The following CDH17 variants were observed in gnomAD, a reference collection of about 807,000 sequenced individuals.
The protein encoded by CDH17 is cadherin-17.
CDH17 carries 67 observed loss-of-function variants against 86.3 expected under a neutral mutation model. The ratio of observed to expected loss-of-function variants is 0.78; its 90% CI spans 0.64 to 0.95. The LOEUF (loss-of-function observed/expected upper bound fraction) is 0.95. CDH17 is among the 40% of genes least tolerant of loss of function. CDH17 has a pLI of 0.00. For missense variants in CDH17, 993 were observed against 1,017.6 expected, an observed-to-expected ratio of 0.98 and a Z score of 0.33; for synonymous variants, 367 against 366.4, an observed-to-expected ratio of 1.00 and a Z score of -0.02.
chr8:94,168,099 T>TATATATATAA (rs1813192150), intron 9 of CDH17, among the ~76,000 whole-genome samples: 6 of 468 alleles, frequency 0.013, no homozygotes, highest in Non-Finnish European at 0.035. Flanking sequence ...CACTGGGGAA[T>TATATATATAA]ATATATATAT....
At chr8:94,164,583 C>T (rs1032044328) in intron 10 of CDH17, among the ~76,000 whole-genome samples, 4 of 152,104 alleles carry the variant, frequency 2.6e-5, no homozygotes, top group East Asian at 1.9e-4. Flanking sequence ...TCAAACATTC[C>T]GCATTAGGGC....
upstream of CDH17, among the ~76,000 whole-genome samples, chr8:94,212,994 G>A (rs1393333314): frequency 6.6e-6 from 1 of 152,210 alleles, no homozygotes; most frequent in Non-Finnish European, 1.5e-5. Context: ...TTCAGGGTAT[G>A]TCCCTGGGTC....
intron 13 of CDH17, among the ~76,000 whole-genome samples, chr8:94,149,888 C>G (rs1362321882): frequency 6.6e-6 from 1 of 152,148 alleles, no homozygotes; most frequent in Non-Finnish European, 1.5e-5. Flanking sequence ...AGCAACACAT[C>G]ATAGTCATGA....
chr8:94,161,254 T>G (rs1012750525), intron 11 of CDH17, among the ~76,000 whole-genome samples: 1 of 152,186 alleles, frequency 6.6e-6, no homozygotes, highest in African/African-American at 2.4e-5. Flanking sequence ...CTGCTGAACC[T>G]CAGTGCCTGT....
At chr8:94,204,495 C>T (rs1468407195) in intron 1 of CDH17, among the ~76,000 whole-genome samples, 1 of 152,156 alleles carries the variant, frequency 6.6e-6, no homozygotes, top group Non-Finnish European at 1.5e-5. Context: ...TTTATGGCTG[C>T]ATAGTATTCC....
chr8:94,147,405 C>T (rs1432018704), intron 14 of CDH17, among the ~76,000 whole-genome samples: 1 of 152,142 alleles, frequency 6.6e-6, no homozygotes, highest in Admixed American at 6.6e-5. Flanking sequence ...TTAATCTTTC[C>T]ACATGCAGGG....
Position 94,146,043 on chromosome 8 carries a change from T to C in CDH17, c.2052A>G (p.Gly684=). The C allele has an allele frequency of 6.2e-7, 1 of 1,613,868 alleles. No homozygotes were observed. Among genetic ancestry groups the C allele is most frequent in the Non-Finnish European group, 8.5e-7 (1 of 1,179,908 alleles). Residue 684 remains glycine (G), a synonymous_variant, in exon 15 of 18, where the codon GGA becomes GGG. Transcript: ENST00000027335. ...CATCAGTAGCCTCGAAAATGAGACT[T>C]CCAGGTGCACTGAGGGGATGGCAGA... ...LFFCHPLSAP[G]SLIFEATDDD...
chr8:94,148,889 A>G lies in CDH17; in HGVS notation c.1797-15T>C, dbSNP rs1751433158. 2 of 1,593,156 alleles carry G rather than the reference A, an allele frequency of 1.3e-6. No homozygotes were observed. Among genetic ancestry groups the G allele is most frequent in the Non-Finnish European group, 1.7e-6 (2 of 1,174,108 alleles). On this transcript the variant is annotated splice_polypyrimidine_tract_variant and intron_variant, in intron 13 of 17. Transcript: ENST00000027335. ...TCAGTGAATAGCTTCATCAAATGAAAAGAGCAAAAGAAAGCCTGCATTACT... is the reference window on the plus strand; with the variant it reads ...TCAGTGAATAGCTTCATCAAATGAAGAGAGCAAAAGAAAGCCTGCATTACT...
At chr8:94,137,206 A>G (rs955140210) in intron 15 of CDH17, among the ~76,000 whole-genome samples, 1 of 152,160 alleles carries the variant, frequency 6.6e-6, no homozygotes, top group East Asian at 1.9e-4. Context: ...AAGTCTGCAG[A>G]AGTTATCTGC....
rs572131201 is a variant in CDH17, at chr8:94,153,824, A to G, written c.1552-1712T>C. Among the ~76,000 whole-genome samples the G allele has an allele frequency of 3.3e-5, 5 of 152,276 alleles. No homozygotes were observed. The East Asian group carries it at 9.6e-4, about 29-fold the overall frequency. On this transcript the variant is annotated intron_variant, in intron 12 of 17. Coordinates refer to ENST00000027335, the MANE Select transcript of CDH17 (RefSeq NM_004063.4). ...GAAAAGACAAATACCACATGTTCTC[A>G]CTTGTATGTGGAATCTAAAGGTGTT...
At chr8:94,171,121 C>G in intron 7 of CDH17, 136 bp from the exon 8 acceptor site, 1 of 880,970 alleles carries the variant, frequency 1.1e-6, no homozygotes, top group Non-Finnish European at 1.6e-6. Flanking sequence ...AACTGAATTA[C>G]GTTTTTCACT....
At chr8:94,143,326 T>G (rs1286006616) in intron 15 of CDH17, among the ~76,000 whole-genome samples, 1 of 152,226 alleles carries the variant, frequency 6.6e-6, no homozygotes, top group Admixed American at 6.5e-5. Flanking sequence ...CCTTAAAGTA[T>G]TCAGTAAACT....
intron 9 of CDH17, among the ~76,000 whole-genome samples, chr8:94,167,916 C>G (rs1813186995): frequency 6.6e-6 from 1 of 151,610 alleles, no homozygotes; most frequent in Admixed American, 6.6e-5. Flanking sequence ...GTATACGTAG[C>G]ATCTCTTAGA....
intron 3 of CDH17, among the ~76,000 whole-genome samples, chr8:94,182,643 C>T (rs143493327): frequency 6.6e-6 from 1 of 152,110 alleles, no homozygotes; most frequent in African/African-American, 2.4e-5. Flanking sequence ...GAAGTAAGCC[C>T]CACAGCTAAC....
chr8:94,170,963 G>A lies in CDH17; in HGVS notation c.806C>T (p.Ala269Val), dbSNP rs111589116. Residue 269 changes from alanine to valine, a missense_variant, in exon 8 of 18, where the codon GCA (alanine) becomes GTA (valine). By Grantham distance (64) the Ala-to-Val change is moderately conservative. Coordinates refer to ENST00000027335, the MANE Select transcript of CDH17 (RefSeq NM_004063.4). ...CTCTTTGTCAACTAAGGAATATTGT[G>A]CACCGGGATCATTCCACCGCACCTA... ...ITQVRWNDPG[A>V]QYSLVDKEKL... 2.8e-4 allele frequency: 445 copies of A among 1,613,646 alleles called. No homozygotes were observed. In the African/African-American group the frequency reaches 4.4e-3, roughly 16 times the overall value.
At chr8:94,148,560 AAAAAAAAAAG>A (rs1812792164) in intron 14 of CDH17, among the ~76,000 whole-genome samples, 174 bp downstream of exon 14, 1 of 147,458 alleles carries the variant, frequency 6.8e-6, no homozygotes, top group Admixed American at 6.7e-5. Context: ...AAAAAAAAAA[AAAAAAAAAAG>A]GAAGATATGA....
intron 1 of CDH17, among the ~76,000 whole-genome samples, chr8:94,195,993 C>G (rs1255704309): frequency 6.6e-6 from 1 of 152,060 alleles, no homozygotes; most frequent in Non-Finnish European, 1.5e-5. Flanking sequence ...ATCTCCCGAC[C>G]TCGTGATCTG....
chr8:94,128,304 T>G lies in CDH17; in HGVS notation c.2435A>C (p.Lys812Thr), dbSNP rs1812340923. Reference sequence around the variant, plus strand: ...TTCAACATTATCTTTGCCTTTATCCTTCTTTATGCGGATAAACACAACTGC... The same window carrying G: ...TTCAACATTATCTTTGCCTTTATCCGTCTTTATGCGGATAAACACAACTGC... ...ILAVVFIRIKKDKGKDNVESA... is the reference protein window; with the variant it reads ...ILAVVFIRIKTDKGKDNVESA... The change falls in exon 18 of 18, where the codon AAG (lysine) becomes ACG (threonine). Residue 812 changes from lysine to threonine, a missense_variant. Lys to Thr is a moderately conservative substitution (Grantham distance 78). Transcript: ENST00000027335. The G allele has an allele frequency of 6.2e-7, 1 of 1,612,902 alleles. No homozygotes were observed. Among genetic ancestry groups the G allele is most frequent in the African/African-American group, 1.3e-5 (1 of 74,910 alleles).
chr8:94,205,137 T>C lies in CDH17; in HGVS notation c.-21+3346A>G, dbSNP rs536297001. On this transcript the variant is annotated intron_variant, in intron 1 of 17. Transcript: ENST00000027335. Reference sequence around the variant, plus strand: ...GACTTCCCTCACGTGTGCAGCTATATACCCGCAAAAACCCTAGAAGGTGGC... The same window carrying C: ...GACTTCCCTCACGTGTGCAGCTATACACCCGCAAAAACCCTAGAAGGTGGC... Among the ~76,000 whole-genome samples, 7 of 152,216 alleles carry C rather than the reference T, an allele frequency of 4.6e-5. No individual in the cohort carries two copies. The South Asian group carries it at 1.2e-3, about 27-fold the overall frequency.
Sources: gnomAD v4.1 joint callset for allele counts (sites outside exome capture counted in the v4.1 genomes callset) on GRCh38, gnomAD v4.1.1 for gene constraint, MANE v1.5 for transcripts, NCBI Gene and HGNC (gene_info 2026-07-23, HGNC 2026-07-21) for gene names.